Variants in TBC1D5 observed in about 807,000 individuals in gnomAD.
The protein encoded by TBC1D5 is TBC1 domain family member 5.
In TBC1D5, 75 loss-of-function variants were observed where a neutral mutation model predicts 100.3. The ratio of observed to expected loss-of-function variants is 0.75; its 90% CI spans 0.62 to 0.91. TBC1D5 has a LOEUF of 0.91. TBC1D5 is among the 40% of genes least tolerant of loss of function. TBC1D5 has a pLI of 0.00. For missense variants in TBC1D5, 910 were observed against 942.4 expected (o/e 0.97, Z 0.45); for synonymous variants, 323 against 325.6 (o/e 0.99, Z 0.09).
At chr3:17,371,948 G>T in intron 13 of TBC1D5, 127 bp downstream of exon 13, 1 of 796,540 alleles carries the variant, frequency 1.3e-6, no homozygotes, top group Non-Finnish European at 1.8e-6. Flanking sequence ...GAGATGGGAG[G>T]ATCGCTTGAG....
chr3:17,449,398 G>A (rs1426612848), intron 3 of TBC1D5, among the ~76,000 whole-genome samples: 4 of 152,114 alleles, frequency 2.6e-5, no homozygotes, highest in South Asian at 2.1e-4. Flanking sequence ...GTTCACTCCC[G>A]TGGAATGGGT....
intron 21 of TBC1D5, among the ~76,000 whole-genome samples, chr3:17,161,703 T>A (rs769702385): frequency 4.2e-4 from 64 of 152,240 alleles, no homozygotes; most frequent in Non-Finnish European, 2.8e-4. Context: ...TCCTAATGTG[T>A]TGTCATGATA....
At position 17,690,286 on chromosome 3, in the gene TBC1D5, G is replaced by A. The variant is rs1270237007; in HGVS notation, c.-101+49057C>T. ...GGCTGGAGTGCAGTGGCGGGATCTC[G>A]GCTCACTGCAAGCTCTGCCTCCCGG... is the stretch of plus-strand genomic sequence containing the variant. On this transcript the variant is annotated intron_variant, in intron 1 of 21. Transcript: ENST00000253692. 1.1e-4 allele frequency among the ~76,000 whole-genome samples: 3 copies of A among 26,712 alleles called. 1 individual carries two copies. The highest frequency in any genetic ancestry group is 2.2e-4 in the Non-Finnish European group (3 of 13,804). The allele number at this position is 26,712 out of a possible 152,430, so 17.5% of individuals were successfully genotyped here. A position where few individuals can be genotyped will look rare whatever the true frequency, so the allele number is the denominator to read the frequency against.
At chr3:17,657,556 C>T (rs1218522828) in intron 1 of TBC1D5, among the ~76,000 whole-genome samples, 2 of 151,980 alleles carry the variant, frequency 1.3e-5, no homozygotes, top group Admixed American at 1.3e-4. Context: ...AGGATGGTCT[C>T]GATCTGCTGA....
chr3:17,659,887 C>A (rs189937029), intron 1 of TBC1D5, among the ~76,000 whole-genome samples: 1 of 152,000 alleles, frequency 6.6e-6, no homozygotes, highest in Non-Finnish European at 1.5e-5. Context: ...ATAAATTATA[C>A]AATTATACTT....
chr3:17,620,151 T>C (rs952248394), intron 2 of TBC1D5, among the ~76,000 whole-genome samples: 34 of 152,216 alleles, frequency 2.2e-4, no homozygotes, highest in Admixed American at 2.2e-3. Flanking sequence ...TTTGCCGTTG[T>C]TGTTAGCAAC....
At chr3:17,687,190 C>T (rs2070415789) in intron 1 of TBC1D5, among the ~76,000 whole-genome samples, 1 of 152,006 alleles carries the variant, frequency 6.6e-6, no homozygotes, top group Admixed American at 6.6e-5. Flanking sequence ...GTTATGATTA[C>T]CTTTCTTAGA....
chr3:17,280,110 C>T (rs541677192), intron 15 of TBC1D5, among the ~76,000 whole-genome samples: 12 of 152,248 alleles, frequency 7.9e-5, no homozygotes, highest in East Asian at 1.9e-4. Flanking sequence ...ATTGTCTTCA[C>T]GGAGTTGATA....
intron 18 of TBC1D5, among the ~76,000 whole-genome samples, chr3:17,211,760 G>C (rs2125965605): frequency 6.6e-6 from 1 of 152,102 alleles, no homozygotes; most frequent in South Asian, 2.1e-4. Flanking sequence ...TATTCTTTGA[G>C]GGTTTATCTA....
At chr3:17,452,406 A>G (rs1385853825) in intron 3 of TBC1D5, among the ~76,000 whole-genome samples, 1 of 152,194 alleles carries the variant, frequency 6.6e-6, no homozygotes, top group Non-Finnish European at 1.5e-5. Flanking sequence ...ATGAAAACCC[A>G]AGACACAGTG....
At chr3:17,723,464 G>A (rs2075861525) in intron 1 of TBC1D5, among the ~76,000 whole-genome samples, 1 of 152,094 alleles carries the variant, frequency 6.6e-6, no homozygotes, top group Non-Finnish European at 1.5e-5. Flanking sequence ...TCCAAAAGTT[G>A]GAGTAATGTA....
chr3:17,343,803 C>T lies in TBC1D5; in HGVS notation c.995+28272G>A, dbSNP rs909028586. On this transcript the variant is annotated intron_variant, in intron 13 of 21. Transcript: ENST00000253692. ...ATGGTAGGTTGTATTTCTGTGGGAT[C>T]GGTGGTGATATCCCCTTTATCATTT... Among the ~76,000 whole-genome samples the T allele has an allele frequency of 3.7e-4, 57 of 152,194 alleles. 1 individual carries two copies. The highest frequency in any genetic ancestry group is 1.1e-3 in the African/African-American group (47 of 41,530).
At chr3:17,525,183 G>GC (rs980088113) in intron 2 of TBC1D5, among the ~76,000 whole-genome samples, 7 of 152,076 alleles carry the variant, frequency 4.6e-5, no homozygotes, top group Non-Finnish European at 5.9e-5. Flanking sequence ...AGGCTGGAGT[G>GC]CAATGACGCG....
intron 2 of TBC1D5, among the ~76,000 whole-genome samples, chr3:17,618,206 T>C (rs917725361): frequency 6.6e-6 from 1 of 152,180 alleles, no homozygotes; most frequent in South Asian, 2.1e-4. Flanking sequence ...AGACTCTGTT[T>C]GCCTGGGTAT....
chr3:17,448,700 A>G (rs533288453), intron 3 of TBC1D5, among the ~76,000 whole-genome samples: 4 of 152,348 alleles, frequency 2.6e-5, no homozygotes, highest in African/African-American at 9.6e-5. Context: ...TAGGCTTAAA[A>G]TATTCAGTCA....
intron 8 of TBC1D5, among the ~76,000 whole-genome samples, chr3:17,386,726 C>T (rs547195524): frequency 4.5e-4 from 68 of 152,256 alleles, no homozygotes; most frequent in Non-Finnish European, 7.8e-4. Flanking sequence ...GCTGTGCTGG[C>T]GTCTCTGAGC....
chr3:17,164,321 T>G (rs2066383114), intron 21 of TBC1D5, among the ~76,000 whole-genome samples: 1 of 152,160 alleles, frequency 6.6e-6, no homozygotes, highest in South Asian at 2.1e-4. Context: ...GCACTATCTT[T>G]TAGACATTAT....
intron 3 of TBC1D5, among the ~76,000 whole-genome samples, chr3:17,489,582 G>A (rs1025984764): frequency 7.2e-5 from 11 of 152,100 alleles, no homozygotes; most frequent in Admixed American, 7.2e-4. Flanking sequence ...TCTACTGTTT[G>A]GTTTTCTGTT....
At chr3:17,468,415 T>G (rs554551178) in intron 3 of TBC1D5, among the ~76,000 whole-genome samples, 33 of 152,332 alleles carry the variant, frequency 2.2e-4, no homozygotes, top group African/African-American at 7.5e-4. Context: ...GCTCTGATAT[T>G]TAATTCTGCA....
Sources: gnomAD v4.1 joint callset for allele counts (sites outside exome capture counted in the v4.1 genomes callset) on GRCh38, gnomAD v4.1.1 for gene constraint, MANE v1.5 for transcripts, NCBI Gene and HGNC (gene_info 2026-07-23, HGNC 2026-07-21) for gene names.